Variants in SCFD2 observed in about 807,000 individuals in gnomAD.
SCFD2 encodes the protein sec1 family domain-containing protein 2.
In SCFD2, 54 loss-of-function variants were observed where a neutral mutation model predicts 58.9. The ratio of observed to expected loss-of-function variants is 0.92; its 90% CI spans 0.74 to 1.15. SCFD2 has a LOEUF of 1.15. SCFD2 is among the 50% of genes most tolerant of loss of function. The pLI, the probability that SCFD2 is intolerant of heterozygous loss-of-function variation, is 0.00. For synonymous variants in SCFD2, 321 were observed against 335.9 expected, an observed-to-expected ratio of 0.96 and a Z score of 0.49; for missense variants, 805 against 836.6, an observed-to-expected ratio of 0.96 and a Z score of 0.47.
chr4:52,976,774 T>G (rs1418916598), intron 5 of SCFD2, among the ~76,000 whole-genome samples: 1 of 152,178 alleles, frequency 6.6e-6, no homozygotes, highest in Non-Finnish European at 1.5e-5. Context: ...GCACACCTCA[T>G]CACAGCTTTT....
chr4:53,013,413 G>A (rs1266163855), intron 5 of SCFD2, among the ~76,000 whole-genome samples: 1 of 152,176 alleles, frequency 6.6e-6, no homozygotes, highest in Non-Finnish European at 1.5e-5. Flanking sequence ...TACCCTTGCA[G>A]ACAATTCTCC....
chr4:52,955,271 T>A (rs1024136155), intron 5 of SCFD2, among the ~76,000 whole-genome samples: 1 of 152,204 alleles, frequency 6.6e-6, no homozygotes, highest in South Asian at 2.1e-4. Context: ...CATCCCAGCA[T>A]CTTTCTCTTC....
intron 5 of SCFD2, among the ~76,000 whole-genome samples, chr4:53,088,699 T>C (rs943395755): frequency 2.6e-5 from 4 of 152,134 alleles, no homozygotes; most frequent in Non-Finnish European, 5.9e-5. Flanking sequence ...CACCCATATC[T>C]GATTTAGATG....
chr4:52,985,223 C>T (rs372402671), intron 5 of SCFD2, among the ~76,000 whole-genome samples: 73 of 152,212 alleles, frequency 4.8e-4, no homozygotes, highest in African/African-American at 1.6e-3. Context: ...CTGCTCCCTC[C>T]CAGGTATGAA....
intron 6 of SCFD2, among the ~76,000 whole-genome samples, chr4:52,909,654 C>T (rs1013733790): frequency 6.6e-6 from 1 of 152,060 alleles, no homozygotes. Flanking sequence ...AGCACCACTA[C>T]AAACGGCAAG....
chr4:52,917,670 G>T (rs1036596576), intron 6 of SCFD2, among the ~76,000 whole-genome samples: 2 of 152,316 alleles, frequency 1.3e-5, no homozygotes, highest in Non-Finnish European at 2.9e-5. Flanking sequence ...GGTCCTGGCT[G>T]CCCTGGAGGG....
In SCFD2 at chr4:53,285,627, C is replaced by G. The variant is rs1218669609; in HGVS notation, c.1136-11626G>C. ...CAAGCAGAATGACTAAAGGAGAGCG[C>G]TGAAGTACAGTACAGCAAGGGAGTG... On this transcript the variant is annotated intron_variant, in intron 3 of 8. Transcript: ENST00000401642. Among the ~76,000 whole-genome samples, 7 of 151,892 alleles carry G rather than the reference C, an allele frequency of 4.6e-5. No homozygotes were observed. In the South Asian group the frequency reaches 1.5e-3, roughly 32 times the overall value.
intron 5 of SCFD2, among the ~76,000 whole-genome samples, 186 bp downstream of exon 5, chr4:53,145,147 G>A (rs1471615079): frequency 6.6e-6 from 1 of 152,144 alleles, no homozygotes; most frequent in Non-Finnish European, 1.5e-5. Context: ...GTCCCCTGAT[G>A]GCTGCCCTTG....
chr4:52,911,752 A>G (rs1420444516), intron 6 of SCFD2, among the ~76,000 whole-genome samples: 4 of 152,330 alleles, frequency 2.6e-5, no homozygotes, highest in Admixed American at 2.6e-4. Context: ...TGAAAATGTG[A>G]TAGTTATCAA....
intron 5 of SCFD2, among the ~76,000 whole-genome samples, chr4:53,059,980 G>A (rs1360058159): frequency 1.3e-5 from 2 of 151,980 alleles, no homozygotes; most frequent in African/African-American, 4.8e-5. Context: ...ACTCTAAGTG[G>A]GAAGAATAGA....
chr4:52,942,628 A>G (rs1720321684), intron 5 of SCFD2, among the ~76,000 whole-genome samples: 1 of 152,190 alleles, frequency 6.6e-6, no homozygotes, highest in Non-Finnish European at 1.5e-5. Flanking sequence ...ATGAGTTACT[A>G]TATGGAAAGC....
intron 7 of SCFD2, among the ~76,000 whole-genome samples, chr4:52,900,353 A>G (rs546311191): frequency 6.6e-6 from 1 of 152,212 alleles, no homozygotes; most frequent in Non-Finnish European, 1.5e-5. Flanking sequence ...TCTGTTTGTT[A>G]GTTTTCCTTC....
intron 4 of SCFD2, among the ~76,000 whole-genome samples, chr4:53,230,284 A>G (rs533780772): frequency 7.2e-4 from 109 of 152,340 alleles, no homozygotes; most frequent in African/African-American, 2.5e-3. Flanking sequence ...ATATACCCAA[A>G]GGATTAGAAA....
At chr4:52,881,683 T>C (rs1441361649) in intron 8 of SCFD2, among the ~76,000 whole-genome samples, 1 of 152,232 alleles carries the variant, frequency 6.6e-6, no homozygotes, top group Non-Finnish European at 1.5e-5. Flanking sequence ...AGATTTGGAA[T>C]AATAGCAATA....
At chr4:52,902,139 G>C (rs537015838) in intron 7 of SCFD2, among the ~76,000 whole-genome samples, 70 of 152,354 alleles carry the variant, frequency 4.6e-4, no homozygotes, top group African/African-American at 1.6e-3. Context: ...GGCCTGAGTA[G>C]CTTGGGGCTT....
At chr4:52,999,295 A>G (rs1721812781) in intron 5 of SCFD2, among the ~76,000 whole-genome samples, 1 of 152,220 alleles carries the variant, frequency 6.6e-6, no homozygotes, top group Non-Finnish European at 1.5e-5. Context: ...ACCAGTGTGA[A>G]TGACCATGAA....
intron 3 of SCFD2, among the ~76,000 whole-genome samples, chr4:53,281,543 A>T: frequency 6.6e-6 from 1 of 152,214 alleles, no homozygotes; most frequent in South Asian, 2.1e-4. Flanking sequence ...AGTATGCCAG[A>T]TGGCTTATGA....
rs138366245 is a variant in SCFD2 at position 52,907,541 on chromosome 4, G to A, written c.1758C>T (p.Pro586=). 83 of 1,613,790 alleles carry A rather than the reference G, an allele frequency of 5.1e-5. No homozygotes were observed. In the African/African-American group the frequency reaches 6.7e-4, roughly 13 times the overall value. The change falls in exon 7 of 9, where the codon CCC becomes CCT. Residue 586 remains proline (P), a synonymous_variant. Transcript: ENST00000401642. ...LKQVVEEIFH[P]ERPDSVDIEH... Reference sequence around the variant, plus strand: ...CAATATCAACGGAATCTGGCCTCTCGGGATGAAATATTTCCTCCACAACTT... The same window carrying A: ...CAATATCAACGGAATCTGGCCTCTCAGGATGAAATATTTCCTCCACAACTT...
chr4:52,932,237 G>A (rs752528027), intron 5 of SCFD2, among the ~76,000 whole-genome samples: 10 of 152,256 alleles, frequency 6.6e-5, no homozygotes, highest in East Asian at 1.9e-4. Flanking sequence ...GCTGTGATGC[G>A]TCTCTGGAAA....
Sources: gnomAD v4.1 joint callset for allele counts (sites outside exome capture counted in the v4.1 genomes callset) on GRCh38, gnomAD v4.1.1 for gene constraint, MANE v1.5 for transcripts, NCBI Gene and HGNC (gene_info 2026-07-23, HGNC 2026-07-21) for gene names.